Variants in CELF2 observed in about 807,000 individuals in gnomAD.
CELF2 encodes the protein CUGBP Elav-like family member 2.
Under a neutral mutation model 62.6 loss-of-function variants are expected in CELF2, and 8 were observed. The ratio of observed to expected loss-of-function variants is 0.13; its 90% confidence interval spans 0.07 to 0.23. The LOEUF is 0.23. CELF2 is among the 10% of genes least tolerant of loss of function. The pLI, the probability that CELF2 is intolerant of heterozygous loss-of-function variation, is 1.00. For synonymous variants in CELF2, 258 were observed against 250.0 expected (o/e 1.03, Z -0.30); for missense variants, 333 against 671.0 (o/e 0.50, Z 5.56).
the CELF2 span, among the ~76,000 whole-genome samples, chr10:10,477,197 T>C: frequency 6.6e-6 from 1 of 152,222 alleles, no homozygotes; most frequent in East Asian, 1.9e-4. Context: ...TCCACATTCT[T>C]AGCCTGGCTT....
chr10:11,185,554 A>G (rs1445664390), intron 2 of CELF2, among the ~76,000 whole-genome samples: 1 of 152,134 alleles, frequency 6.6e-6, no homozygotes, highest in African/African-American at 2.4e-5. Flanking sequence ...AGCTGGGATT[A>G]CAGCCACGCG....
rs1377914059 is a variant in CELF2, at chr10:11,058,463, T to G, written c.74+40300T>G. On this transcript the variant is annotated intron_variant, in intron 1 of 12. Coordinates refer to ENST00000633077, the MANE Select transcript of CELF2 (RefSeq NM_001326342.2). ...GGTACTGTTGGTTTTTTTTGTTGGT[T>G]TTTTTTTTTTTTTTTTTTTTTGTGA... is the stretch of plus-strand genomic sequence containing the variant. Among the ~76,000 whole-genome samples the G allele has an allele frequency of 9.4e-3, 777 of 82,908 alleles. 10 individuals are homozygous for G. Among genetic ancestry groups the G allele is most frequent in the African/African-American group, 0.033 (677 of 20,776 alleles). 54.4% of individuals were successfully genotyped at this position (82,908 alleles called of 152,430 possible). A position where few individuals can be genotyped will look rare whatever the true frequency, so the allele number is the denominator to read the frequency against.
At chr10:10,696,376 G>A in the CELF2 span, among the ~76,000 whole-genome samples, 1 of 151,670 alleles carries the variant, frequency 6.6e-6, no homozygotes, top group Non-Finnish European at 1.5e-5. Context: ...ATCTCCAGCT[G>A]CATGCTGGGA....
At chr10:10,503,402 C>T in the CELF2 span, among the ~76,000 whole-genome samples, 1 of 151,892 alleles carries the variant, frequency 6.6e-6, no homozygotes, top group Non-Finnish European at 1.5e-5. Flanking sequence ...TTTTGCAACC[C>T]TGTGCTTGAT....
At chr10:10,617,715 G>A in the CELF2 span, among the ~76,000 whole-genome samples, 5 of 152,014 alleles carry the variant, frequency 3.3e-5, no homozygotes, top group Admixed American at 2.0e-4. Flanking sequence ...GTAAAGGGGG[G>A]GGAAATAGGT....
At chr10:10,666,582 G>C in the CELF2 span, among the ~76,000 whole-genome samples, 1 of 135,780 alleles carries the variant, frequency 7.4e-6, no homozygotes, top group Non-Finnish European at 1.6e-5. Context: ...TAAGAAAGAG[G>C]CCGGGCGCGG....
the CELF2 span, among the ~76,000 whole-genome samples, chr10:10,788,453 CTTTTTTTTTT>C: frequency 3.2e-4 from 31 of 95,746 alleles, no homozygotes; most frequent in South Asian, 2.9e-3. Context: ...TTCTTTCCAT[CTTTTTTTTTT>C]TTTTTTTTTT....
At chr10:10,690,517 C>T in the CELF2 span, among the ~76,000 whole-genome samples, 1 of 152,226 alleles carries the variant, frequency 6.6e-6, no homozygotes, top group Non-Finnish European at 1.5e-5. Flanking sequence ...CCGCTCCCAT[C>T]AAGCATCCCA....
At chr10:11,097,421 G>A (rs17149496) in intron 1 of CELF2, 6,260 of 152,262 alleles carry the variant, frequency 0.041, 148 homozygotes, top group Non-Finnish European at 0.055. Flanking sequence ...TGAGTTGGGA[G>A]GATTTAGGAG....
the CELF2 span, among the ~76,000 whole-genome samples, chr10:10,741,540 A>T: frequency 6.6e-6 from 1 of 150,884 alleles, no homozygotes. Flanking sequence ...TTTGGAGAAT[A>T]CTCATCGGTT....
intron 1 of CELF2, among the ~76,000 whole-genome samples, chr10:10,888,486 G>T (rs894541218): frequency 6.6e-6 from 1 of 152,164 alleles, no homozygotes; most frequent in Non-Finnish European, 1.5e-5. Context: ...AGTGAATTTG[G>T]ATCTTTCTGA....
chr10:10,774,766 T>G, the CELF2 span, among the ~76,000 whole-genome samples: 1 of 152,144 alleles, frequency 6.6e-6, no homozygotes, highest in Non-Finnish European at 1.5e-5. Flanking sequence ...AATAGGATGG[T>G]GTGGTGAGAA....
chr10:10,742,780 A>C, the CELF2 span, among the ~76,000 whole-genome samples: 1 of 152,014 alleles, frequency 6.6e-6, no homozygotes, highest in African/African-American at 2.4e-5. Flanking sequence ...AATCAGGGCA[A>C]TTTTCTCCAA....
intron 1 of CELF2, among the ~76,000 whole-genome samples, chr10:11,139,137 A>G (rs778208161): frequency 6.6e-6 from 1 of 152,244 alleles, no homozygotes; most frequent in Non-Finnish European, 1.5e-5. Context: ...AAGAATATCT[A>G]TGGAAACAGT....
In CELF2 at chr10:11,007,933, G is replaced by A. The variant is rs182294500; in HGVS notation, c.53+2493G>A. 1.1e-3 allele frequency among the ~76,000 whole-genome samples: 166 copies of A among 152,208 alleles called. 2 individuals carry two copies. Among genetic ancestry groups the A allele is most frequent in the Admixed American group, 0.011 (163 of 15,300 alleles). ...TAGTCACAGTTAGGTACGGAAACGAGGTAACTCTCTTCTCACTTTGTTTGC... is the reference window on the plus strand; with the variant it reads ...TAGTCACAGTTAGGTACGGAAACGAAGTAACTCTCTTCTCACTTTGTTTGC... On this transcript the variant is annotated intron_variant, in intron 1 of 12. Transcript: ENST00000416382.
intron 10 of CELF2, among the ~76,000 whole-genome samples, chr10:11,320,465 G>A (rs1412246475): frequency 6.6e-6 from 1 of 152,212 alleles, no homozygotes; most frequent in African/African-American, 2.4e-5. Flanking sequence ...GCTGAAAACT[G>A]CACCACTTTG....
chr10:10,979,014 T>C (rs888143506), intron 2 of CELF2, among the ~76,000 whole-genome samples: 1 of 152,208 alleles, frequency 6.6e-6, no homozygotes, highest in South Asian at 2.1e-4. Flanking sequence ...TCCTGAAAAG[T>C]GTTCCCCAGG....
At chr10:11,044,242 C>T (rs887056836) in intron 1 of CELF2, among the ~76,000 whole-genome samples, 8 of 152,104 alleles carry the variant, frequency 5.3e-5, no homozygotes, top group Non-Finnish European at 1.2e-4. Flanking sequence ...GTTGCTTTTC[C>T]GTATTGTCTA....
chr10:10,817,030 C>T (rs1264542686), intron 1 of CELF2, among the ~76,000 whole-genome samples: 1 of 152,064 alleles, frequency 6.6e-6, no homozygotes, highest in Admixed American at 6.6e-5. Context: ...GGAAGCTGAG[C>T]CTGGAAGTTT....
Sources: gnomAD v4.1 joint callset for allele counts (sites outside exome capture counted in the v4.1 genomes callset) on GRCh38, gnomAD v4.1.1 for gene constraint, MANE v1.5 for transcripts, NCBI Gene and HGNC (gene_info 2026-07-23, HGNC 2026-07-21) for gene names.